IFT140: variants seen among roughly 807,000 people sequenced by gnomAD.
IFT140 encodes intraflagellar transport protein 140 homolog.
In IFT140, 133 loss-of-function variants were observed where a neutral mutation model predicts 164.6. The observed-to-expected ratio is 0.81, with a 90% CI of 0.70 to 0.93. The LOEUF is 0.93. Among genes scored for constraint, IFT140 ranks in the 40% least tolerant of loss-of-function variants. The pLI is 0.00. For missense variants in IFT140, 2,045 were observed against 1,972.3 expected, an observed-to-expected ratio of 1.04 and a Z score of -0.70; for synonymous variants, 860 against 817.3, an observed-to-expected ratio of 1.05 and a Z score of -0.89.
Position 1,589,745 on chromosome 16 carries a change from T to G in IFT140, c.670A>C (p.Thr224Pro). Residue 224 changes from threonine (T) to proline (P), a missense_variant, in exon 7 of 31, where the codon ACT becomes CCT. Coordinates refer to ENST00000426508, the MANE Select transcript of IFT140 (RefSeq NM_014714.4). Reference sequence around the variant, plus strand: ...GTGCTGTCTGCGGACACCACCTGAGTGGTCTTGCCCTTCTCATCCACATAG... The same window carrying G: ...GTGCTGTCTGCGGACACCACCTGAGGGGTCTTGCCCTTCTCATCCACATAG... ...VHYVDEKGKT[T>P]QVVSADSTIQ... 6.2e-7 allele frequency: 1 copy of G among 1,614,126 alleles called. No individual in the cohort carries two copies. The highest frequency in any genetic ancestry group is 8.5e-7 in the Non-Finnish European group (1 of 1,180,008).
At chr16:1,539,334 T>C (rs2031402908) in intron 19 of IFT140, among the ~76,000 whole-genome samples, 1 of 145,528 alleles carries the variant, frequency 6.9e-6, no homozygotes, top group Non-Finnish European at 1.5e-5. Context: ...GCAAGCCACA[T>C]GGTGCAAATG....
chr16:1,546,468 G>A (rs186342030), intron 19 of IFT140, among the ~76,000 whole-genome samples: 167 of 152,330 alleles, frequency 1.1e-3, no homozygotes, highest in South Asian at 6.0e-3. Flanking sequence ...CTGTGCAGTG[G>A]AGAGTGACCA....
At chr16:1,519,127 A>G (rs1288457544) in intron 29 of IFT140, among the ~76,000 whole-genome samples, 1 of 152,198 alleles carries the variant, frequency 6.6e-6, no homozygotes, top group African/African-American at 2.4e-5. Context: ...CTCAGCAGAC[A>G]TCTGTGAGAC....
chr16:1,606,853 C>T (rs1055888035), intron 3 of IFT140, among the ~76,000 whole-genome samples: 1 of 152,060 alleles, frequency 6.6e-6, no homozygotes, highest in Non-Finnish European at 1.5e-5. Context: ...CGTGTGCACA[C>T]ACACGCATAC....
chr16:1,553,271 T>TCTGTCTCTCTGTGTCTCTGC lies in IFT140; in HGVS notation c.2399+4644_2399+4663dup, dbSNP rs371656577. ...CTGTCTCTCTGTATCTCTCTTGGTCTCTGTCTCTCTGTGTCTCTGCCTGTC... is the reference window on the plus strand; with the variant it reads ...CTGTCTCTCTGTATCTCTCTTGGTCTCTGTCTCTCTGTGTCTCTGCCTGTCTCTCTGTGTCTCTGCCTGTC... On this transcript the variant is annotated intron_variant, in intron 19 of 30. Transcript: ENST00000426508. The surrounding 1 kb of genome is among the most constrained non-coding windows in gnomAD (Gnocchi z 4.4). The TCTGTCTCTCTGTGTCTCTGC allele has an allele frequency of 1.3e-5, 13 of 980,202 alleles. No individual in the cohort carries two copies. In the Admixed American group the frequency reaches 1.8e-4, roughly 14 times the overall value. 60.7% of individuals were successfully genotyped at this position (980,202 alleles called of 1,614,324 possible).
chr16:1,516,139 C>CAAAAAAAAAAAAAAAA lies in IFT140; in HGVS notation c.4182+2061_4182+2076dup, dbSNP rs869165237. ...GGCTACAAAGAGCAAAACTCTGTCT[C>CAAAAAAAAAAAAAAAA]AAAAAAAAAAAAAAAAAAAAAAAAA... On this transcript the variant is annotated intron_variant, in intron 30 of 30. Coordinates refer to ENST00000426508, the MANE Select transcript of IFT140 (RefSeq NM_014714.4). Among the ~76,000 whole-genome samples the CAAAAAAAAAAAAAAAA allele has an allele frequency of 4.3e-4, 20 of 46,022 alleles. 1 individual carries two copies. The highest frequency in any genetic ancestry group is 7.3e-4 in the Non-Finnish European group (16 of 22,026). 30.2% of individuals were successfully genotyped at this position (46,022 alleles called of 152,430 possible).
At chr16:1,593,001 T>TGACTGGTGGAGGGACAGGTGTCCC (rs2035271245) in intron 4 of IFT140, among the ~76,000 whole-genome samples, 1 of 145,938 alleles carries the variant, frequency 6.9e-6, no homozygotes, top group Non-Finnish European at 1.5e-5. Context: ...ACAGGTGTCC[T>TGACTGGTGGAGGGACAGGTGTCCC]GGCAGAGTGA....
At chr16:1,590,407 G>T (rs1007817019) in intron 6 of IFT140, among the ~76,000 whole-genome samples, 1 of 151,862 alleles carries the variant, frequency 6.6e-6, no homozygotes, top group African/African-American at 2.4e-5. Flanking sequence ...CCCTCCACAC[G>T]CTGAGGCCCT....
chr16:1,527,055 A>T (rs2745181), intron 19 of IFT140: 2 of 467,514 alleles, frequency 4.3e-6, no homozygotes, highest in Non-Finnish European at 7.5e-6. Flanking sequence ...TCTTATGCAG[A>T]TCACCAGGCT....
chr16:1,570,545 C>T (rs2033960498), intron 14 of IFT140, among the ~76,000 whole-genome samples: 1 of 152,170 alleles, frequency 6.6e-6, no homozygotes, highest in African/African-American at 2.4e-5. Context: ...TTGCTCATCC[C>T]AACCCCTGTG....
chr16:1,567,700 G>A (rs1207629375), intron 15 of IFT140, among the ~76,000 whole-genome samples: 2 of 152,212 alleles, frequency 1.3e-5, no homozygotes, highest in Non-Finnish European at 2.9e-5. Flanking sequence ...ACCAGCGGAA[G>A]GGAAGGAACC....
chr16:1,524,529 T>TC, intron 24 of IFT140, 23 bp downstream of exon 24: 1 of 1,609,830 alleles, frequency 6.2e-7, no homozygotes, highest in African/African-American at 1.3e-5. Flanking sequence ...AAGCGCCGGC[T>TC]CCCCACCCCG....
intron 30 of IFT140, 146 bp from the exon 31 acceptor site, chr16:1,511,296 TTGGTGATGGGGGAATG>T: frequency 2.2e-5 from 16 of 741,106 alleles, no homozygotes; most frequent in South Asian, 1.8e-4. Context: ...AGGCTTCCCA[TTGGTGATGGGGGAATG>T]TGGTGATGAG....
At chr16:1,513,734 T>G (rs528663431) in intron 30 of IFT140, among the ~76,000 whole-genome samples, 15 of 150,468 alleles carry the variant, frequency 1.0e-4, no homozygotes, top group African/African-American at 3.7e-4. Flanking sequence ...AGTGCAGTGG[T>G]GCGATCTCTG....
At chr16:1,526,123 A>C (rs1411731357) in intron 20 of IFT140, 46 bp from the exon 21 acceptor site, 1 of 1,508,512 alleles carries the variant, frequency 6.6e-7, no homozygotes, top group South Asian at 1.2e-5. Flanking sequence ...CCACACACCC[A>C]CGTCTCAAAC....
chr16:1,517,840 AT>A (rs140973122), intron 30 of IFT140, among the ~76,000 whole-genome samples: 7 of 150,292 alleles, frequency 4.7e-5, no homozygotes, highest in Middle Eastern at 3.4e-3. Context: ...CTACCGACAG[AT>A]TTTTTTTTTC....
At chr16:1,539,220 A>C (rs796512968) in intron 19 of IFT140, among the ~76,000 whole-genome samples, 3,175 of 125,906 alleles carry the variant, frequency 0.025, 118 homozygotes, top group African/African-American at 0.09. Context: ...GCCAACGCCG[A>C]CCCAAGCCTC....
At chr16:1,574,808 C>G (rs2034194754) in intron 13 of IFT140, among the ~76,000 whole-genome samples, 1 of 152,156 alleles carries the variant, frequency 6.6e-6, no homozygotes, top group African/African-American at 2.4e-5. Flanking sequence ...ATGTGACTCC[C>G]TGAAACATAC....
chr16:1,544,901 G>C (rs2032036230), intron 19 of IFT140, among the ~76,000 whole-genome samples: 1 of 152,288 alleles, frequency 6.6e-6, no homozygotes, highest in Non-Finnish European at 1.5e-5. Flanking sequence ...GCCCGCCTCG[G>C]CCTCCCAAAG....
Sources: allele counts gnomAD v4.1 joint callset (sites outside exome capture counted in the v4.1 genomes callset), GRCh38; gene constraint gnomAD v4.1.1; non-coding constraint Gnocchi (gnomAD v3.1); transcripts MANE v1.5; gene names NCBI Gene and HGNC (gene_info 2026-07-23, HGNC 2026-07-21).